Variants in TOP1MT observed in about 807,000 individuals in gnomAD.
TOP1MT encodes the protein DNA topoisomerase I mitochondrial, also known as DNA topoisomerase I, mitochondrial.
TOP1MT carries 80 observed loss-of-function variants against 73.9 expected under a neutral mutation model. The observed-to-expected ratio is 1.08, with a 90% CI of 0.90 to 1.30. The LOEUF (loss-of-function observed/expected upper bound fraction) is 1.30, where lower values mean the gene tolerates loss of function less well. Among genes scored for constraint, TOP1MT ranks in the 50% most tolerant of loss-of-function variants. TOP1MT has a pLI of 0.00. For synonymous variants in TOP1MT, 338 were observed against 326.4 expected (o/e 1.04, Z -0.38); for missense variants, 815 against 808.0 (o/e 1.01, Z -0.10).
upstream of TOP1MT, among the ~76,000 whole-genome samples, chr8:143,348,745 T>G (rs1376787821): frequency 6.6e-6 from 1 of 151,796 alleles, no homozygotes; most frequent in Non-Finnish European, 1.5e-5. This position sits in a 1 kb window ranked among gnomAD's most constrained non-coding sequence, Gnocchi z 4.6. Flanking sequence ...AAGGGCCAAA[T>G]GGAGGGGCAT....
intron 3 of TOP1MT, among the ~76,000 whole-genome samples, chr8:143,328,489 G>A (rs1056506449): frequency 5.9e-5 from 9 of 152,240 alleles, no homozygotes; most frequent in African/African-American, 1.7e-4. Context: ...CACCCACGGC[G>A]AGGTGTCATT....
At chr8:143,322,643 CCACACGCACACCA>C in intron 7 of TOP1MT, among the ~76,000 whole-genome samples, 1 of 54,970 alleles carries the variant, frequency 1.8e-5, no homozygotes, top group Non-Finnish European at 3.0e-5. Flanking sequence ...CACACACACG[CCACACGCACACCA>C]CACACGCACG....
Position 143,334,828 on chromosome 8 carries a change from C to T in TOP1MT, c.34G>A (p.Ala12Thr), listed in dbSNP as rs746583506. Residue 12 changes from alanine to threonine, a missense_variant, in exon 1 of 14, where the codon GCT becomes ACT. Transcript: ENST00000329245. ...RVVRLLRLRAALTLLGEVPRR... is the reference protein window; with the variant it reads ...RVVRLLRLRATLTLLGEVPRR... Reference sequence around the variant, plus strand: ...GGGACCTCCCCGAGCAGCGTCAGAGCCGCCCGGAGCCGCAGCAGCCGCACC... The same window carrying T: ...GGGACCTCCCCGAGCAGCGTCAGAGTCGCCCGGAGCCGCAGCAGCCGCACC... 25 of 1,523,592 alleles carry T rather than the reference C, an allele frequency of 1.6e-5. No homozygotes were observed. The Admixed American group carries it at 2.9e-4, about 18-fold the overall frequency. The allele number at this position is 1,523,592 out of a possible 1,614,324, so 94.4% of individuals were successfully genotyped here. A position where few individuals can be genotyped will look rare whatever the true frequency, so the allele number is the denominator to read the frequency against.
intron 7 of TOP1MT, among the ~76,000 whole-genome samples, 163 bp downstream of exon 7, chr8:143,323,836 C>A (rs1004978693): frequency 1.3e-5 from 2 of 152,216 alleles, no homozygotes; most frequent in East Asian, 3.9e-4. Flanking sequence ...ACCCTACACA[C>A]ATGTTCACAC....
At chr8:143,329,506 C>A (rs149852014) in intron 2 of TOP1MT, 35 bp from the exon 3 acceptor site, 1 of 1,588,794 alleles carries the variant, frequency 6.3e-7, no homozygotes, top group Non-Finnish European at 8.5e-7. Flanking sequence ...TATGAGAGAG[C>A]GGCCAGAGGC....
chr8:143,329,673 G>A (rs2467893), intron 2 of TOP1MT, among the ~76,000 whole-genome samples: 2 of 151,920 alleles, frequency 1.3e-5, no homozygotes, highest in Non-Finnish European at 2.9e-5. Flanking sequence ...ACAGTGATCT[G>A]GGAGCGGGTC....
Position 143,321,318 on chromosome 8 carries a change from G to GA in TOP1MT, c.1028dup (p.Arg344ProfsTer21). ...GGTGCAGCTGGACGTGCTCCACGCG[G>GA]AGGGAACAGCAGCCCACGGTGTCGG... is the stretch of plus-strand genomic sequence containing the variant. On this transcript the variant is annotated frameshift_variant, in exon 8 of 14. Coordinates refer to ENST00000329245, the MANE Select transcript of TOP1MT (RefSeq NM_052963.3). LOFTEE classifies it high-confidence loss of function. 1 of 1,611,572 alleles carries GA rather than the reference G, an allele frequency of 6.2e-7. No homozygotes were observed. The highest frequency in any genetic ancestry group is 8.5e-7 in the Non-Finnish European group (1 of 1,178,442).
chr8:143,352,745 G>A (rs547536524), intron 1 of TOP1MT, among the ~76,000 whole-genome samples: 1 of 152,238 alleles, frequency 6.6e-6, no homozygotes, highest in East Asian at 1.9e-4. Context: ...TTCCACCTCA[G>A]CTTACCATAG....
At chr8:143,359,518 A>G (rs1305880656), upstream of TOP1MT, 7 of 779,974 alleles carry the variant, frequency 9.0e-6, no homozygotes, top group African/African-American at 3.9e-5. Flanking sequence ...GAAAGTCAGG[A>G]GCCAAGGGAG....
intron 7 of TOP1MT, among the ~76,000 whole-genome samples, chr8:143,322,195 CCACA>C (rs1273771125): frequency 1.9e-5 from 1 of 53,836 alleles, no homozygotes; most frequent in Non-Finnish European, 4.8e-5. Flanking sequence ...CACAGGCACG[CCACA>C]CACACAGGCA....
chr8:143,317,248 C>T (rs1816192733), intron 10 of TOP1MT, among the ~76,000 whole-genome samples: 2 of 152,130 alleles, frequency 1.3e-5, no homozygotes, highest in African/African-American at 2.4e-5. Flanking sequence ...GAGAGGCCCT[C>T]GCCAAGCTTA....
At chr8:143,337,346 A>G (rs896591200), upstream of TOP1MT, among the ~76,000 whole-genome samples, 7 of 152,118 alleles carry the variant, frequency 4.6e-5, no homozygotes, top group African/African-American at 1.7e-4. Flanking sequence ...CAGAGCTTGC[A>G]GTGAGCCGAG....
At position 143,334,672 on chromosome 8, in the gene TOP1MT, T is replaced by C; in HGVS notation, c.122+68A>G. On this transcript the variant is annotated intron_variant, in intron 1 of 13. Transcript: ENST00000329245. ...AAGGCCGTCCCACGAGGCCTGCCAC[T>C]CCCCTTTCTGGACCTACCCAAGCCC... 4 of 1,576,254 alleles carry C rather than the reference T, an allele frequency of 2.5e-6. No homozygotes were observed. The South Asian group carries it at 3.3e-5, about 13-fold the overall frequency.
At chr8:143,324,748 A>C in intron 5 of TOP1MT, 119 bp from the exon 6 acceptor site, 1 of 1,312,984 alleles carries the variant, frequency 7.6e-7, no homozygotes, top group Non-Finnish European at 1.0e-6. Flanking sequence ...ATGGCTCCTG[A>C]CCGAGTCTGG....
chr8:143,329,268 C>T (rs950124150), intron 3 of TOP1MT, 82 bp downstream of exon 3: 65 of 1,434,712 alleles, frequency 4.5e-5, no homozygotes, highest in African/African-American at 2.1e-4. Flanking sequence ...TTGCGAGGGG[C>T]GTTCAGAGGC....
At chr8:143,354,312 C>T (rs1277816711) in intron 1 of TOP1MT, among the ~76,000 whole-genome samples, 1 of 152,068 alleles carries the variant, frequency 6.6e-6, no homozygotes, top group African/African-American at 2.4e-5. Context: ...AGGAAAAATA[C>T]TGCAGGATTC....
At chr8:143,332,846 T>C (rs566832631) in intron 1 of TOP1MT, among the ~76,000 whole-genome samples, 1 of 150,248 alleles carries the variant, frequency 6.7e-6, no homozygotes, top group Admixed American at 6.6e-5. Flanking sequence ...ATGGCGAAAG[T>C]ACAAAAAAAC....
chr8:143,309,414 C>T lies in TOP1MT; in HGVS notation c.*27G>A. The T allele has an allele frequency of 6.2e-7, 1 of 1,609,008 alleles. No individual in the cohort carries two copies. Among genetic ancestry groups the T allele is most frequent in the Non-Finnish European group, 8.5e-7 (1 of 1,177,406 alleles). On this transcript the variant is annotated 3_prime_UTR_variant, in exon 14 of 14. Transcript: ENST00000329245. ...ATAGTGAAAAAAACACACACACATA[C>T]AAAAGAAGTTTCAACACGGCTCGTC...
intron 2 of TOP1MT, among the ~76,000 whole-genome samples, chr8:143,339,933 A>C (rs13439228): frequency 2.1e-4 from 9 of 42,388 alleles, no homozygotes; most frequent in African/African-American, 5.3e-4. Context: ...ACACAGCATT[A>C]CCCCACTCCC....
Sources: allele counts gnomAD v4.1 joint callset (sites outside exome capture counted in the v4.1 genomes callset), GRCh38; gene constraint gnomAD v4.1.1; non-coding constraint Gnocchi (gnomAD v3.1); transcripts MANE v1.5; gene names NCBI Gene and HGNC (gene_info 2026-07-23, HGNC 2026-07-21).